Variants in TRIQK observed in about 807,000 individuals in gnomAD.
TRIQK encodes the protein triple QxxK/R motif containing.
Under a neutral mutation model 10.8 loss-of-function variants are expected in TRIQK, and 10 were observed. The observed-to-expected ratio is 0.92, with a 90% CI of 0.57 to 1.57. The LOEUF (loss-of-function observed/expected upper bound fraction) is 1.57, where lower values mean the gene tolerates loss of function less well. TRIQK is among the 40% of genes most tolerant of loss of function. The pLI is 0.00. For missense variants in TRIQK, 107 were observed against 97.7 expected, an observed-to-expected ratio of 1.09 and a Z score of -0.40; for synonymous variants, 33 against 33.7, an observed-to-expected ratio of 0.98 and a Z score of 0.07.
At chr8:93,006,136 A>G (rs1813268607) in intron 1 of TRIQK, among the ~76,000 whole-genome samples, 1 of 152,198 alleles carries the variant, frequency 6.6e-6, no homozygotes, top group South Asian at 2.1e-4. Flanking sequence ...TGAAAACTAT[A>G]AAACATTGAC....
At chr8:92,947,893 G>A (rs1811639129) in intron 2 of TRIQK, among the ~76,000 whole-genome samples, 1 of 151,790 alleles carries the variant, frequency 6.6e-6, no homozygotes. Context: ...AACTAAGACA[G>A]GAAAAAAATG....
chr8:92,964,118 C>G (rs1812606380), intron 1 of TRIQK, among the ~76,000 whole-genome samples: 1 of 151,782 alleles, frequency 6.6e-6, no homozygotes, highest in Non-Finnish European at 1.5e-5. Flanking sequence ...GAAAGGGGGC[C>G]CCAAAAGGGA....
At chr8:92,957,536 C>T (rs920274437) in intron 1 of TRIQK, among the ~76,000 whole-genome samples, 2 of 151,806 alleles carry the variant, frequency 1.3e-5, no homozygotes, top group African/African-American at 4.8e-5. Flanking sequence ...GCATTCCAAA[C>T]AAACGTATTA....
intron 1 of TRIQK, among the ~76,000 whole-genome samples, chr8:93,008,607 A>G (rs1813297504): frequency 6.6e-6 from 1 of 152,230 alleles, no homozygotes; most frequent in South Asian, 2.1e-4. Context: ...AAAGCTATAG[A>G]AACAGCACAG....
intron 1 of TRIQK, among the ~76,000 whole-genome samples, chr8:92,983,266 G>A (rs998789869): frequency 1.3e-5 from 2 of 151,962 alleles, no homozygotes; most frequent in South Asian, 2.1e-4. Flanking sequence ...AGACAAAGGA[G>A]AGAAAAATCT....
chr8:92,962,335 T>C (rs1812501537), intron 1 of TRIQK, among the ~76,000 whole-genome samples: 1 of 152,182 alleles, frequency 6.6e-6, no homozygotes, highest in Non-Finnish European at 1.5e-5. Flanking sequence ...CACAGATACA[T>C]ATGCACAAAG....
intron 2 of TRIQK, chr8:92,926,301 A>G (rs1029691515): frequency 2.0e-5 from 3 of 152,304 alleles, no homozygotes; most frequent in Admixed American, 1.3e-4. Flanking sequence ...ATCACTTGAC[A>G]ATGGTGACCT....
chr8:92,991,063 G>T (rs58672202), intron 1 of TRIQK, among the ~76,000 whole-genome samples: 7 of 152,174 alleles, frequency 4.6e-5, no homozygotes, highest in East Asian at 1.9e-4. Context: ...CTGGCTTGGT[G>T]GGGGGAGGGA....
chr8:92,931,241 T>G (rs150456474), intron 2 of TRIQK, among the ~76,000 whole-genome samples: 267 of 152,336 alleles, frequency 1.8e-3, no homozygotes, highest in African/African-American at 6.1e-3. Context: ...ATAACCAAGT[T>G]TGTTTTATCC....
chr8:92,947,556 C>A (rs1474101927), intron 2 of TRIQK, among the ~76,000 whole-genome samples: 1 of 143,428 alleles, frequency 7.0e-6, no homozygotes, highest in African/African-American at 2.6e-5. Context: ...TGCATTCTAG[C>A]CCGGGCAATA....
At chr8:92,949,287 CCT>C (rs1811708565) in intron 2 of TRIQK, among the ~76,000 whole-genome samples, 1 of 152,064 alleles carries the variant, frequency 6.6e-6, no homozygotes, top group African/African-American at 2.4e-5. Context: ...CTACTTGTTT[CCT>C]TTCTGATTTT....
chr8:92,982,926 T>C (rs1813000570), intron 1 of TRIQK, among the ~76,000 whole-genome samples: 1 of 151,906 alleles, frequency 6.6e-6, no homozygotes, highest in Admixed American at 6.6e-5. Flanking sequence ...GAATGCTGGG[T>C]CTATTCAATC....
chr8:92,934,275 C>A lies in TRIQK; in HGVS notation c.-21-17265G>T, dbSNP rs193052396. ...CAAAGTCAATCAGTTTCCCTTCTTACACAATTGCTAAACTCTCTTCCAGTT... is the reference window on the plus strand; with the variant it reads ...CAAAGTCAATCAGTTTCCCTTCTTAAACAATTGCTAAACTCTCTTCCAGTT... On this transcript the variant is annotated intron_variant, in intron 2 of 4. Coordinates refer to ENST00000521988, the MANE Select transcript of TRIQK (RefSeq NM_001171797.2). 1.5e-4 allele frequency among the ~76,000 whole-genome samples: 23 copies of A among 152,034 alleles called. No homozygotes were observed. In the East Asian group the frequency reaches 1.5e-3, roughly 10 times the overall value.
At chr8:92,947,478 G>A (rs1251242967) in intron 2 of TRIQK, among the ~76,000 whole-genome samples, 2 of 151,348 alleles carry the variant, frequency 1.3e-5, no homozygotes, top group Non-Finnish European at 2.9e-5. Flanking sequence ...CAGCTACTCG[G>A]GAGGCTGAGG....
chr8:92,910,483 A>C (rs1300478083), intron 3 of TRIQK, among the ~76,000 whole-genome samples: 1 of 151,186 alleles, frequency 6.6e-6, no homozygotes, highest in African/African-American at 2.4e-5. Context: ...TACAAATGAA[A>C]AATATAAATA....
intron 1 of TRIQK, among the ~76,000 whole-genome samples, chr8:92,954,910 A>G (rs73695597): frequency 1.3e-3 from 196 of 152,040 alleles, no homozygotes; most frequent in African/African-American, 4.5e-3. Flanking sequence ...GCATAAATGT[A>G]AAAATACTGA....
chr8:92,935,841 T>C (rs955104735), intron 2 of TRIQK, among the ~76,000 whole-genome samples: 2 of 151,502 alleles, frequency 1.3e-5, no homozygotes, highest in African/African-American at 2.4e-5. Context: ...TTAAAACACA[T>C]TTCTTAAAAA....
chr8:92,938,478 G>C (rs949219925), intron 2 of TRIQK, among the ~76,000 whole-genome samples: 1 of 151,996 alleles, frequency 6.6e-6, no homozygotes, highest in Non-Finnish European at 1.5e-5. Context: ...TGGTGTCTGT[G>C]TGTCTACTAT....
chr8:92,924,085 A>C (rs900502394), intron 2 of TRIQK, among the ~76,000 whole-genome samples: 2 of 152,026 alleles, frequency 1.3e-5, no homozygotes, highest in African/African-American at 4.8e-5. Context: ...ACACTTACTA[A>C]GAAAACTCTT....
Sources: gnomAD v4.1 joint callset for allele counts (sites outside exome capture counted in the v4.1 genomes callset) on GRCh38, gnomAD v4.1.1 for gene constraint, MANE v1.5 for transcripts, NCBI Gene and HGNC (gene_info 2026-07-23, HGNC 2026-07-21) for gene names.